GNAS: variants seen among roughly 807,000 people sequenced by gnomAD.
GNAS encodes GNAS complex locus, also known as protein ALEX.
GNAS carries 8 observed loss-of-function variants against 54.5 expected under a neutral mutation model. The observed-to-expected ratio is 0.15, with a 90% CI of 0.09 to 0.26. GNAS has a LOEUF of 0.26. GNAS is among the 10% of genes least tolerant of loss of function. The probability of loss-of-function intolerance (pLI) is 1.00; values close to 1 mark genes in which losing one functional copy is unlikely to be tolerated. For synonymous variants in GNAS, 204 were observed against 191.4 expected (o/e 1.07, Z -0.54); for missense variants, 170 against 529.8 (o/e 0.32, Z 6.67).
chr20:58,855,769 T>G (rs964291616), intron 1 of GNAS: 1 of 616,980 alleles, frequency 1.6e-6, no homozygotes, highest in Non-Finnish European at 2.9e-6. Context: ...CACGGCTGCT[T>G]GGACTCAGAC....
intron 1 of GNAS, chr20:58,892,090 G>A (rs2089454305): frequency 2.1e-6 from 2 of 968,492 alleles, no homozygotes; most frequent in African/African-American, 1.8e-5. Context: ...CGACGCGGGC[G>A]CGGGTCCCCC....
At chr20:58,855,101 C>T in intron 1 of GNAS, 10 of 1,613,660 alleles carry the variant, frequency 6.2e-6, no homozygotes, top group Non-Finnish European at 7.6e-6. Flanking sequence ...GCAACTTTCT[C>T]GTGCAAGCCT....
chr20:58,854,550 C>A, intron 1 of GNAS: 2 of 1,572,658 alleles, frequency 1.3e-6, no homozygotes, highest in Non-Finnish European at 1.7e-6. Context: ...CGCAGCCGAT[C>A]CCGACTCCGG....
intron 1 of GNAS, among the ~76,000 whole-genome samples, chr20:58,867,052 G>A (rs540242074): frequency 6.6e-6 from 1 of 152,286 alleles, no homozygotes; most frequent in Non-Finnish European, 1.5e-5. Context: ...CACAAGTTCA[G>A]CTAAGCAAAG....
Position 58,863,666 on chromosome 20 carries a change from G to A in GNAS, c.43+22780G>A, listed in dbSNP as rs552506928. 25 of 152,410 alleles carry A rather than the reference G, an allele frequency of 1.6e-4. No homozygotes were observed. The highest frequency in any genetic ancestry group is 1.1e-3 in the Admixed American group (17 of 15,286). The allele number at this position is 152,410 out of a possible 1,614,324, so 9.4% of individuals were successfully genotyped here. On this transcript the variant is annotated intron_variant, in intron 1 of 12. Coordinates refer to the GNAS transcript ENST00000306090. The surrounding 1 kb of genome is among the most constrained non-coding windows in gnomAD (Gnocchi z 4.1). ...TCAGTGTCACCACTGAGTGAGCATC[G>A]ATTCTTACAAGGAAATTAAGACTTG...
At chr20:58,895,191 A>G (rs1265107132) in intron 1 of GNAS, 5 of 269,064 alleles carry the variant, frequency 1.9e-5, no homozygotes, top group Admixed American at 5.0e-5. Flanking sequence ...ACATCTGACA[A>G]CAAATTATGT....
chr20:58,889,354 G>A (rs1323500428), upstream of GNAS: 3 of 984,578 alleles, frequency 3.0e-6, no homozygotes, highest in African/African-American at 3.5e-5. Flanking sequence ...TCACTCACAT[G>A]TAAGTCGGGG....
At chr20:58,851,241 G>A (rs74926258) in intron 1 of GNAS, among the ~76,000 whole-genome samples, 1 of 152,328 alleles carries the variant, frequency 6.6e-6, no homozygotes, top group East Asian at 1.9e-4. Flanking sequence ...CCACATGGAT[G>A]GTGGATGCAG....
chr20:58,897,612 GCCAGCCTGTAACA>G (rs941556871), intron 2 of GNAS: 10 of 152,288 alleles, frequency 6.6e-5, no homozygotes, highest in Admixed American at 5.9e-4. Context: ...CCCTAAGCGA[GCCAGCCTGTAACA>G]CCAGGCAAGG....
chr20:58,887,834 G>A (rs962596641), upstream of GNAS, among the ~76,000 whole-genome samples: 1 of 152,124 alleles, frequency 6.6e-6, no homozygotes, highest in Non-Finnish European at 1.5e-5. Context: ...TCATAAAAAA[G>A]AGGCCTTGTA....
intron 6 of GNAS, chr20:58,908,929 G>C: frequency 1.6e-6 from 1 of 633,754 alleles, no homozygotes; most frequent in South Asian, 1.7e-5. Context: ...CGCATCTAGA[G>C]TTCCCTGATT....
At chr20:58,890,308 T>A (rs1214863274), upstream of GNAS, among the ~76,000 whole-genome samples, 1 of 146,774 alleles carries the variant, frequency 6.8e-6, no homozygotes, top group Non-Finnish European at 1.5e-5. Context: ...GAGGGCGCCG[T>A]CGGGGGCGCC....
At chr20:58,855,347 C>G (rs2086428622) in intron 1 of GNAS, 1 of 1,557,190 alleles carries the variant, frequency 6.4e-7, no homozygotes, top group Non-Finnish European at 8.7e-7. Flanking sequence ...ATGCGGCGGA[C>G]TCTGCCTGCG....
At chr20:58,868,895 GGC>G (rs1157768753) in intron 1 of GNAS, among the ~76,000 whole-genome samples, 1 of 152,176 alleles carries the variant, frequency 6.6e-6, no homozygotes, top group Non-Finnish European at 1.5e-5. Flanking sequence ...GCTGGCAGAT[GGC>G]GCTCGGCTTT....
chr20:58,891,712 G>A lies in GNAS; in HGVS notation c.-15G>A. 1 of 1,080,472 alleles carries A rather than the reference G, an allele frequency of 9.3e-7. No individual in the cohort carries two copies. 66.9% of individuals were successfully genotyped at this position (1,080,472 alleles called of 1,614,324 possible). ...CGCCGCAGCCCGGCCGCGCCCCGCC[G>A]CCGCCGCCGCCGCCATGGGCTGCCT... On this transcript the variant is annotated 5_prime_UTR_variant, in exon 1 of 13. Transcript: ENST00000371085.
In GNAS at chr20:58,853,578, G is replaced by A. The variant is rs549734957; in HGVS notation, c.43+12692G>A. ...ACCTCCTGAGGAAGCAATGCCCTTC[G>A]AGGCTGAACAGCCCAGCTTGGGAGG... On this transcript the variant is annotated intron_variant, in intron 1 of 12. Coordinates refer to the GNAS transcript ENST00000306090. The surrounding 1 kb of genome is among the most constrained non-coding windows in gnomAD (Gnocchi z 4.4). 51 of 1,613,342 alleles carry A rather than the reference G, an allele frequency of 3.2e-5. No homozygotes were observed. In the East Asian group the frequency reaches 9.4e-4, roughly 30 times the overall value.
chr20:58,895,664 T>A lies in GNAS; in HGVS notation c.192T>A (p.His64Gln). ...TTGTGAAGCAGATGAGGATCCTGCA[T>A]GTTAATGGGTTTAATGGAGAGTAAG... is the stretch of plus-strand genomic sequence containing the variant. Reference protein sequence around the residue: ...STIVKQMRILHVNGFNGEGGE... With the variant: ...STIVKQMRILQVNGFNGEGGE... Residue 64 changes from histidine to glutamine, a missense_variant, in exon 2 of 13, where the codon CAT becomes CAA. Around this residue, in one of 3 missense-constraint regions of GNAS, gnomAD observed 78 missense variants for 251.1 expected, o/e 0.31. Transcript: ENST00000371085. 1 of 1,592,054 alleles carries A rather than the reference T, an allele frequency of 6.3e-7. No individual in the cohort carries two copies. The highest frequency in any genetic ancestry group is 8.6e-7 in the Non-Finnish European group (1 of 1,159,772).
chr20:58,889,216 G>A (rs1412419514), upstream of GNAS: 1 of 1,168,618 alleles, frequency 8.6e-7, no homozygotes, highest in Non-Finnish European at 1.1e-6. Context: ...TGCGTCAGGT[G>A]GCTGGCCGGC....
At chr20:58,886,000 G>T (rs945658758) in intron 1 of GNAS, among the ~76,000 whole-genome samples, 1 of 152,154 alleles carries the variant, frequency 6.6e-6, no homozygotes, top group Non-Finnish European at 1.5e-5. Flanking sequence ...CTAATGAAAG[G>T]CCAAGGATAA....
Sources: allele counts gnomAD v4.1 joint callset (sites outside exome capture counted in the v4.1 genomes callset), GRCh38; gene constraint gnomAD v4.1.1; regional missense constraint gnomAD v4.1.1; non-coding constraint Gnocchi (gnomAD v3.1); transcripts MANE v1.5; gene names NCBI Gene and HGNC (gene_info 2026-07-23, HGNC 2026-07-21).